The following LRRIQ1 variants were observed in gnomAD, a reference collection of about 807,000 sequenced individuals.
LRRIQ1 encodes leucine rich repeats and IQ motif containing 1, also known as leucine-rich repeat- and IQ domain-containing protein 1.
In LRRIQ1, 210 loss-of-function variants were observed where a neutral mutation model predicts 211.9. The observed-to-expected ratio is 0.99, with a 90% CI of 0.89 to 1.11. The LOEUF (loss-of-function observed/expected upper bound fraction) is 1.11. LRRIQ1 is among the 50% of genes most tolerant of loss of function. The pLI is 0.00. For synonymous variants in LRRIQ1, 699 were observed against 650.1 expected (o/e 1.08, Z -1.14); for missense variants, 2,136 against 1,939.5 (o/e 1.10, Z -1.90).
rs1565928861 is a variant in LRRIQ1, at chr12:85,250,897, ATATATTATATATAATATATT to A, written c.121+5990_121+6009del. Among the ~76,000 whole-genome samples, 13 of 96,294 alleles carry A rather than the reference ATATATTATATATAATATATT, an allele frequency of 1.4e-4. 1 individual carries two copies. Among genetic ancestry groups the A allele is most frequent in the African/African-American group, 6.1e-4 (12 of 19,826 alleles). The allele number at this position is 96,294 out of a possible 152,430, so 63.2% of individuals were successfully genotyped here. ...TATTATATTATATATAATATATTTT[ATATATTATATATAATATATT>A]TTATATATTATATATTATATATAAT... On this transcript the variant is annotated intron_variant, in intron 1 of 1. Coordinates refer to the LRRIQ1 transcript ENST00000602731.
intron 24 of LRRIQ1, among the ~76,000 whole-genome samples, chr12:85,199,541 T>C (rs1893189232): frequency 6.6e-6 from 1 of 152,030 alleles, no homozygotes; most frequent in Non-Finnish European, 1.5e-5. Flanking sequence ...AGTGTATTAG[T>C]CTGTTCTCCC....
chr12:85,244,774 T>C lies in LRRIQ1; in HGVS notation c.5017-15T>C, dbSNP rs765112068. 6.2e-7 allele frequency: 1 copy of C among 1,609,444 alleles called. No individual in the cohort carries two copies. The highest frequency in any genetic ancestry group is 8.5e-7 in the Non-Finnish European group (1 of 1,176,494). On this transcript the variant is annotated splice_polypyrimidine_tract_variant and intron_variant, in intron 26 of 26. Transcript: ENST00000393217. ...TTGTTTCATGATTGTATACATTCTCTTCCATTGCTCCCAGGCAAGACTTGT... is the reference window on the plus strand; with the variant it reads ...TTGTTTCATGATTGTATACATTCTCCTCCATTGCTCCCAGGCAAGACTTGT...
At position 85,137,929 on chromosome 12, in the gene LRRIQ1, A is replaced by G. The variant is rs769448601; in HGVS notation, c.4289A>G (p.Glu1430Gly). 1.3e-6 allele frequency: 2 copies of G among 1,506,414 alleles called. No individual in the cohort carries two copies. The highest frequency in any genetic ancestry group is 1.7e-4 in the Middle Eastern group (1 of 5,790). The allele number at this position is 1,506,414 out of a possible 1,614,324, so 93.3% of individuals were successfully genotyped here. A position where few individuals can be genotyped will look rare whatever the true frequency, so the allele number is the denominator to read the frequency against. The change falls in exon 19 of 27, where the codon GAA becomes GGA. Residue 1430 changes from glutamate (E) to glycine (G), a missense_variant. Coordinates refer to ENST00000393217, the MANE Select transcript of LRRIQ1 (RefSeq NM_001079910.2). ...EAIKNEESDE[E>G]YREIDLEDFI... is the part of the protein sequence containing the mutation. Reference sequence around the variant, plus strand: ...ATTAAGAATGAAGAATCCGATGAAGAATACAGAGAAATAGATTTAGAGGAT... The same window carrying G: ...ATTAAGAATGAAGAATCCGATGAAGGATACAGAGAAATAGATTTAGAGGAT...
intron 6 of LRRIQ1, among the ~76,000 whole-genome samples, chr12:85,049,374 C>T (rs1199609103): frequency 6.6e-6 from 1 of 152,106 alleles, no homozygotes; most frequent in African/African-American, 2.4e-5. Flanking sequence ...AACATCTGTA[C>T]TCATCCTTTT....
At chr12:85,115,599 A>C (rs1388491395) in intron 15 of LRRIQ1, among the ~76,000 whole-genome samples, 1 of 152,152 alleles carries the variant, frequency 6.6e-6, no homozygotes, top group East Asian at 1.9e-4. Context: ...ATTCCCTAGA[A>C]TTGTTCCCCA....
chr12:85,040,699 C>G, intron 3 of LRRIQ1, 98 bp downstream of exon 3: 1 of 650,170 alleles, frequency 1.5e-6, no homozygotes. Flanking sequence ...TTATCTCTTA[C>G]TGTGCACATG....
At chr12:85,178,400 T>G (rs1311253069) in intron 24 of LRRIQ1, among the ~76,000 whole-genome samples, 1 of 152,094 alleles carries the variant, frequency 6.6e-6, no homozygotes, top group African/African-American at 2.4e-5. Context: ...TTAGGCAGTC[T>G]AATCAGTGTC....
At chr12:85,217,488 ATATGTATATATATATATATATGTG>A (rs1284153985) in intron 24 of LRRIQ1, among the ~76,000 whole-genome samples, 1 of 87,918 alleles carries the variant, frequency 1.1e-5, no homozygotes, top group African/African-American at 8.0e-5. Flanking sequence ...ATATATATAT[ATATGTATATATATATATATATGTG>A]TGTGTGTGTG....
intron 16 of LRRIQ1, 139 bp from the exon 17 acceptor site, chr12:85,123,931 T>G (rs2136441266): frequency 1.6e-6 from 1 of 625,732 alleles, no homozygotes; most frequent in Middle Eastern, 4.4e-4. Flanking sequence ...TATAAACAAC[T>G]AGAAATAATC....
At chr12:85,137,758 A>G in intron 18 of LRRIQ1, 92 bp from the exon 19 acceptor site, 1 of 1,068,100 alleles carries the variant, frequency 9.4e-7, no homozygotes, top group East Asian at 2.7e-5. Flanking sequence ...CTTAGGTCTA[A>G]GATGTTTTAT....
intron 1 of LRRIQ1, among the ~76,000 whole-genome samples, chr12:85,255,620 T>C (rs1276808747): frequency 6.6e-6 from 1 of 151,766 alleles, no homozygotes; most frequent in Non-Finnish European, 1.5e-5. Context: ...TCTCATGAAA[T>C]TATTTTTATT....
the LRRIQ1 span, among the ~76,000 whole-genome samples, chr12:85,269,667 A>T: frequency 6.6e-6 from 1 of 151,948 alleles, no homozygotes; most frequent in Non-Finnish European, 1.5e-5. Context: ...TACTCAAGGG[A>T]TTGAGTTCCT....
At chr12:85,054,079 T>G (rs552857442) in intron 7 of LRRIQ1, among the ~76,000 whole-genome samples, 2 of 152,354 alleles carry the variant, frequency 1.3e-5, no homozygotes, top group Non-Finnish European at 2.9e-5. Context: ...TGCCTTTTCC[T>G]TACATTCTTT....
intron 3 of LRRIQ1, among the ~76,000 whole-genome samples, chr12:85,043,352 C>CA (rs1879125953): frequency 6.6e-6 from 1 of 152,020 alleles, no homozygotes; most frequent in South Asian, 2.1e-4. Flanking sequence ...GCTATTGATG[C>CA]AACCTGTTGG....
chr12:85,171,074 C>G (rs1195389066), intron 24 of LRRIQ1, among the ~76,000 whole-genome samples: 2 of 151,924 alleles, frequency 1.3e-5, no homozygotes, highest in African/African-American at 4.8e-5. Context: ...GTAAGTAGAG[C>G]CAATGAGACT....
intron 15 of LRRIQ1, among the ~76,000 whole-genome samples, chr12:85,114,588 A>G (rs1887438255): frequency 1.3e-5 from 2 of 152,214 alleles, no homozygotes; most frequent in Admixed American, 6.5e-5. Context: ...GTAAAGATAA[A>G]TATTCACATT....
At position 85,044,650 on chromosome 12, in the gene LRRIQ1, GTTTGAAAT is replaced by G. The variant is rs1045552267; in HGVS notation, c.245-62_245-55del. 2.2e-5 allele frequency: 16 copies of G among 728,660 alleles called. No individual in the cohort carries two copies. The African/African-American group carries it at 2.9e-4, about 13-fold the overall frequency. The allele number at this position is 728,660 out of a possible 1,614,324, so 45.1% of individuals were successfully genotyped here. A position where few individuals can be genotyped will look rare whatever the true frequency, so the allele number is the denominator to read the frequency against. Reference sequence around the variant, plus strand: ...ATTTGAGGTTAAAAATTAAGAAAGGGTTTGAAATTTTGAGATGTTGTATTGTACTCTAA... The same window carrying G: ...ATTTGAGGTTAAAAATTAAGAAAGGGTTTGAGATGTTGTATTGTACTCTAA... On this transcript the variant is annotated intron_variant, in intron 3 of 26. Coordinates refer to ENST00000393217, the MANE Select transcript of LRRIQ1 (RefSeq NM_001079910.2).
intron 18 of LRRIQ1, among the ~76,000 whole-genome samples, chr12:85,137,265 A>G (rs1889201237): frequency 1.3e-5 from 2 of 151,352 alleles, no homozygotes; most frequent in African/African-American, 4.8e-5. Context: ...ATTTATAAAT[A>G]TAAAGATATC....
chr12:85,217,652 A>ATATG (rs1555226091), intron 24 of LRRIQ1, among the ~76,000 whole-genome samples: 21 of 137,102 alleles, frequency 1.5e-4, no homozygotes, highest in African/African-American at 5.5e-4. Context: ...ATATGTGTAT[A>ATATG]TGTATATATG....
Sources: gnomAD v4.1 joint callset for allele counts (sites outside exome capture counted in the v4.1 genomes callset) on GRCh38, gnomAD v4.1.1 for gene constraint, MANE v1.5 for transcripts, NCBI Gene and HGNC (gene_info 2026-07-23, HGNC 2026-07-21) for gene names.